EAF1: variants seen among roughly 807,000 people sequenced by gnomAD.
The protein encoded by EAF1 is ELL-associated factor 1.
Under a neutral mutation model 26.6 loss-of-function variants are expected in EAF1, and 19 were observed. The observed-to-expected ratio is 0.71, with a 90% CI of 0.50 to 1.05. The LOEUF (loss-of-function observed/expected upper bound fraction) is 1.05. Ranked by LOEUF, EAF1 falls within the 50% of genes least tolerant of loss-of-function variation. The pLI, the probability that EAF1 is intolerant of heterozygous loss-of-function variation, is 0.00. For missense variants in EAF1, 260 were observed against 335.5 expected (o/e 0.78, Z 1.76); for synonymous variants, 102 against 120.6 (o/e 0.85, Z 1.01).
intron 4 of EAF1, among the ~76,000 whole-genome samples, chr3:15,434,916 A>G (rs1050360299): frequency 1.3e-5 from 2 of 152,210 alleles, no homozygotes; most frequent in African/African-American, 4.8e-5. Flanking sequence ...TCTGAGCTCT[A>G]CATTAGTATA....
chr3:15,436,646 C>T, intron 5 of EAF1, 71 bp downstream of exon 5: 1 of 1,308,524 alleles, frequency 7.6e-7, no homozygotes. Context: ...TGTGCCAGAA[C>T]TTACAAACCT....
chr3:15,428,240 C>G (rs1194197577), intron 1 of EAF1, among the ~76,000 whole-genome samples: 1 of 151,038 alleles, frequency 6.6e-6, no homozygotes, highest in Non-Finnish European at 1.5e-5. Flanking sequence ...CCACTTCTCC[C>G]TCGAAACCCC....
chr3:15,431,549 G>A (rs1166979761), intron 2 of EAF1, among the ~76,000 whole-genome samples: 1 of 152,226 alleles, frequency 6.6e-6, no homozygotes, highest in Non-Finnish European at 1.5e-5. Flanking sequence ...GCCCGGTAGT[G>A]CAAGGCCAAG....
chr3:15,435,908 T>C (rs1464688177), intron 4 of EAF1, among the ~76,000 whole-genome samples: 1 of 152,154 alleles, frequency 6.6e-6, no homozygotes, highest in Admixed American at 6.5e-5. Flanking sequence ...TGGTTAGAGG[T>C]AAATCCAAAA....
At chr3:15,436,695 T>C in intron 5 of EAF1, 120 bp downstream of exon 5, 1 of 832,242 alleles carries the variant, frequency 1.2e-6, no homozygotes, top group East Asian at 2.7e-5. Context: ...TTGTTAAAAA[T>C]AGTTTGGAGC....
intron 2 of EAF1, among the ~76,000 whole-genome samples, chr3:15,430,578 C>T (rs890335795): frequency 1.3e-5 from 2 of 151,880 alleles, no homozygotes; most frequent in Admixed American, 6.6e-5. Flanking sequence ...TATAGCTTTT[C>T]TCCCAAGCAA....
At chr3:15,433,870 G>A (rs1243554734) in intron 3 of EAF1, among the ~76,000 whole-genome samples, 4 of 152,004 alleles carry the variant, frequency 2.6e-5, no homozygotes, top group Non-Finnish European at 5.9e-5. Flanking sequence ...TCAAGTAGGG[G>A]GAATGACTGA....
chr3:15,431,991 A>T (rs1445836975), intron 2 of EAF1, 96 bp from the exon 3 acceptor site: 2 of 1,390,336 alleles, frequency 1.4e-6, no homozygotes, highest in Non-Finnish European at 1.9e-6. Context: ...AATAGCTCTG[A>T]TAAAAGATTT....
At chr3:15,434,829 T>C (rs971612175) in intron 4 of EAF1, among the ~76,000 whole-genome samples, 1 of 152,196 alleles carries the variant, frequency 6.6e-6, no homozygotes, top group African/African-American at 2.4e-5. Context: ...AAGCTCCATA[T>C]GGCACACCTC....
rs1474466017 is a variant in EAF1 at position 15,439,119 on chromosome 3, G to A, written c.771G>A (p.Leu257=). ...TTTTTTTTTAAATAGGAAATGACTTGCAGTTGAGTGAGTCTGGCAGTGACA... is the reference window on the plus strand; with the variant it reads ...TTTTTTTTTAAATAGGAAATGACTTACAGTTGAGTGAGTCTGGCAGTGACA... ...NQLMNTLRND[L]QLSESGSDSD... is the part of the protein sequence containing the mutation. The change falls in exon 6 of 6, where the codon TTG becomes TTA. Residue 257 remains leucine (L), a synonymous_variant. Coordinates refer to ENST00000396842, the MANE Select transcript of EAF1 (RefSeq NM_033083.7). 1 of 1,611,570 alleles carries A rather than the reference G, an allele frequency of 6.2e-7. No homozygotes were observed. Among genetic ancestry groups the A allele is most frequent in the Non-Finnish European group, 8.5e-7 (1 of 1,179,048 alleles).
intron 1 of EAF1, among the ~76,000 whole-genome samples, chr3:15,429,104 T>C (rs533791744): frequency 1.8e-4 from 27 of 152,350 alleles, no homozygotes; most frequent in African/African-American, 5.5e-4. Context: ...TTAAGATGGC[T>C]ATTATGTTGT....
intron 1 of EAF1, among the ~76,000 whole-genome samples, chr3:15,429,698 T>A (rs1356696800): frequency 6.6e-6 from 1 of 152,218 alleles, no homozygotes; most frequent in Admixed American, 6.5e-5. Flanking sequence ...TGGTAATAAT[T>A]GAAACTGGAT....
At chr3:15,431,600 TGAG>T (rs762370002) in intron 2 of EAF1, among the ~76,000 whole-genome samples, 66 of 152,148 alleles carry the variant, frequency 4.3e-4, no homozygotes, top group Non-Finnish European at 8.5e-4. Flanking sequence ...TGAGAGCAAT[TGAG>T]GAGTGATTGA....
chr3:15,433,393 T>C (rs947549060), intron 3 of EAF1, among the ~76,000 whole-genome samples: 22 of 152,158 alleles, frequency 1.4e-4, no homozygotes, highest in African/African-American at 5.3e-4. Flanking sequence ...TCCTCCAATA[T>C]CTGATGGTTG....
intron 4 of EAF1, among the ~76,000 whole-genome samples, chr3:15,434,804 G>A (rs986094264): frequency 2.0e-5 from 3 of 152,170 alleles, no homozygotes; most frequent in African/African-American, 7.2e-5. Flanking sequence ...ATTTAAACAA[G>A]CATGACTTCC....
intron 2 of EAF1, among the ~76,000 whole-genome samples, chr3:15,430,554 G>T (rs1037977797): frequency 1.3e-5 from 2 of 151,642 alleles, no homozygotes; most frequent in Admixed American, 1.3e-4. Flanking sequence ...TGGACACCTA[G>T]CCCCTCTTTT....
At chr3:15,429,627 T>C (rs1467125942) in intron 1 of EAF1, among the ~76,000 whole-genome samples, 1 of 152,058 alleles carries the variant, frequency 6.6e-6, no homozygotes, top group South Asian at 2.1e-4. Flanking sequence ...TCTAGAATAA[T>C]CAAAAGGGGG....
At chr3:15,427,915 C>T in intron 1 of EAF1, 33 bp downstream of exon 1, 1 of 1,484,102 alleles carries the variant, frequency 6.7e-7, no homozygotes, top group Non-Finnish European at 9.1e-7. Flanking sequence ...TCCCTTCGGC[C>T]GCTCCAGCCG....
chr3:15,430,381 G>T (rs928143523), intron 2 of EAF1, among the ~76,000 whole-genome samples: 10 of 150,648 alleles, frequency 6.6e-5, no homozygotes, highest in Non-Finnish European at 1.0e-4. Context: ...GATCGCTTGA[G>T]CCTGGGAGGT....
Sources: allele counts gnomAD v4.1 joint callset (sites outside exome capture counted in the v4.1 genomes callset), GRCh38; gene constraint gnomAD v4.1.1; transcripts MANE v1.5; gene names NCBI Gene and HGNC (gene_info 2026-07-23, HGNC 2026-07-21).